SYT14: variants seen among roughly 807,000 people sequenced by gnomAD.
SYT14 encodes synaptotagmin-14.
SYT14 carries 32 observed loss-of-function variants against 74.2 expected under a neutral mutation model. That is an observed-to-expected ratio of 0.43 (90% CI 0.33 to 0.58). The LOEUF (loss-of-function observed/expected upper bound fraction) is 0.58, where lower values mean the gene tolerates loss of function less well. SYT14 is among the 20% of genes least tolerant of loss of function. The pLI, the probability that SYT14 is intolerant of heterozygous loss-of-function variation, is 0.05. For synonymous variants in SYT14, 298 were observed against 337.7 expected (o/e 0.88, Z 1.29); for missense variants, 791 against 981.8 (o/e 0.81, Z 2.60).
chr1:210,160,271 T>A (rs1244695905), intron 9 of SYT14, among the ~76,000 whole-genome samples: 3 of 152,158 alleles, frequency 2.0e-5, no homozygotes, highest in Non-Finnish European at 4.4e-5. Flanking sequence ...TTGCCTTCAT[T>A]TCTATTTGTT....
At chr1:210,002,767 T>C (rs1395651138) in intron 2 of SYT14, among the ~76,000 whole-genome samples, 1 of 152,178 alleles carries the variant, frequency 6.6e-6, no homozygotes, top group Non-Finnish European at 1.5e-5. Context: ...ATCAGGACTT[T>C]GCCCATTTTT....
intron 2 of SYT14, among the ~76,000 whole-genome samples, chr1:209,961,302 G>A (rs1274516104): frequency 1.3e-5 from 2 of 152,130 alleles, no homozygotes; most frequent in Admixed American, 1.3e-4. Flanking sequence ...GCTGGGATAG[G>A]TACAGATTTC....
At chr1:210,085,751 T>TGGTAC (rs1478017345) in intron 5 of SYT14, among the ~76,000 whole-genome samples, 1 of 152,234 alleles carries the variant, frequency 6.6e-6, no homozygotes, top group African/African-American at 2.4e-5. Flanking sequence ...GATTGTGATA[T>TGGTAC]GGTACCCTGT....
chr1:209,949,390 T>C lies in SYT14; in HGVS notation c.-533-3319T>C, dbSNP rs1358517105. Among the ~76,000 whole-genome samples the C allele has an allele frequency of 2.6e-5, 4 of 151,710 alleles. No homozygotes were observed. The South Asian group carries it at 6.2e-4, about 24-fold the overall frequency. On this transcript the variant is annotated intron_variant, in intron 1 of 9. Transcript: ENST00000637265. ...GAGATCGAGACCATCCTGGGCAACA[T>C]AGTGAAACCCCGCCTCTACTAAAGA...
chr1:209,994,825 G>A (rs1311198074), intron 2 of SYT14, among the ~76,000 whole-genome samples: 2 of 152,130 alleles, frequency 1.3e-5, no homozygotes, highest in Non-Finnish European at 2.9e-5. Context: ...AAGAAATTGG[G>A]GGCCTATTTT....
intron 7 of SYT14, among the ~76,000 whole-genome samples, chr1:210,144,712 T>C (rs2082994038): frequency 6.6e-6 from 1 of 152,132 alleles, no homozygotes. Flanking sequence ...AATTTATTTC[T>C]ATTTAGTTTT....
At chr1:210,133,631 C>A (rs1427774774) in intron 7 of SYT14, among the ~76,000 whole-genome samples, 1 of 152,078 alleles carries the variant, frequency 6.6e-6, no homozygotes, top group Non-Finnish European at 1.5e-5. Context: ...CTTATCCATT[C>A]TAAGTGAACT....
chr1:210,100,578 A>T, intron 7 of SYT14, 117 bp downstream of exon 6: 3 of 1,006,430 alleles, frequency 3.0e-6, no homozygotes, highest in Non-Finnish European at 3.0e-6. Flanking sequence ...TTACATAGTA[A>T]TCATGCCTTT....
intron 5 of SYT14, among the ~76,000 whole-genome samples, chr1:210,077,848 T>A (rs1248179385): frequency 6.6e-6 from 1 of 152,144 alleles, no homozygotes; most frequent in East Asian, 1.9e-4. Context: ...TTAAATACTG[T>A]GTTAAGTGCT....
chr1:210,037,699 A>T (rs1348248799), intron 5 of SYT14, among the ~76,000 whole-genome samples: 2 of 151,920 alleles, frequency 1.3e-5, no homozygotes, highest in Non-Finnish European at 2.9e-5. Flanking sequence ...TGATTCAAAG[A>T]TCGCTCAGGA....
intron 6 of SYT14, among the ~76,000 whole-genome samples, chr1:210,095,711 A>G (rs1048244268): frequency 6.6e-6 from 1 of 152,228 alleles, no homozygotes; most frequent in Non-Finnish European, 1.5e-5. Flanking sequence ...CAATTAAGCT[A>G]TGGATAGAAT....
chr1:209,967,354 T>C (rs2079172081), intron 2 of SYT14, among the ~76,000 whole-genome samples: 1 of 152,122 alleles, frequency 6.6e-6, no homozygotes, highest in South Asian at 2.1e-4. Context: ...TCCTCTTGAA[T>C]TTTGTGAGAG....
chr1:209,954,049 A>T (rs2078953593), intron 2 of SYT14, among the ~76,000 whole-genome samples: 1 of 152,232 alleles, frequency 6.6e-6, no homozygotes, highest in Non-Finnish European at 1.5e-5. Flanking sequence ...TATAGTTATT[A>T]TCCAGTCCCA....
intron 5 of SYT14, among the ~76,000 whole-genome samples, chr1:210,073,893 T>C (rs1350145596): frequency 6.7e-6 from 1 of 150,188 alleles, no homozygotes; most frequent in Non-Finnish European, 1.5e-5. Flanking sequence ...GTTATTTGCA[T>C]ATACTATCAC....
At chr1:209,958,981 G>T (rs923512208) in intron 2 of SYT14, among the ~76,000 whole-genome samples, 4 of 151,904 alleles carry the variant, frequency 2.6e-5, no homozygotes, top group African/African-American at 9.7e-5. Context: ...AAATGGTACA[G>T]CAACTTTAGA....
intron 5 of SYT14, among the ~76,000 whole-genome samples, chr1:210,048,546 G>A (rs537336771): frequency 9.9e-5 from 15 of 152,140 alleles, no homozygotes; most frequent in Non-Finnish European, 1.6e-4. Context: ...CAGGAAAGAT[G>A]CACCCCCATA....
At chr1:210,041,584 A>G (rs2080790209) in intron 5 of SYT14, among the ~76,000 whole-genome samples, 1 of 152,208 alleles carries the variant, frequency 6.6e-6, no homozygotes, top group South Asian at 2.1e-4. Flanking sequence ...TGAAAAAAGC[A>G]AAGTGTAGAA....
intron 5 of SYT14, among the ~76,000 whole-genome samples, chr1:210,047,344 GTT>G (rs967941862): frequency 2.0e-5 from 3 of 151,732 alleles, no homozygotes; most frequent in Non-Finnish European, 4.4e-5. Context: ...CTTAGGTATA[GTT>G]TTTTTTCATT....
At chr1:210,091,476 CCCAGG>C (rs1302063756) in intron 5 of SYT14, among the ~76,000 whole-genome samples, 1 of 152,096 alleles carries the variant, frequency 6.6e-6, no homozygotes, top group Non-Finnish European at 1.5e-5. Context: ...ATTGCTTGAG[CCCAGG>C]AATTCAGGAT....
Sources: allele counts gnomAD v4.1 joint callset (sites outside exome capture counted in the v4.1 genomes callset), GRCh38; gene constraint gnomAD v4.1.1; transcripts MANE v1.5; gene names NCBI Gene and HGNC (gene_info 2026-07-23, HGNC 2026-07-21).